The following FYB1 variants were observed in gnomAD, a reference collection of about 807,000 sequenced individuals.
The protein encoded by FYB1 is FYN-binding protein 1.
A neutral mutation model predicts 94.1 loss-of-function variants in FYB1; 41 were observed. That is an observed-to-expected ratio of 0.44 (90% confidence interval 0.34 to 0.57). The LOEUF is 0.57. Ranked by LOEUF, FYB1 falls within the 20% of genes least tolerant of loss-of-function variation. FYB1 has a pLI of 0.02. For synonymous variants in FYB1, 367 were observed against 353.2 expected, an observed-to-expected ratio of 1.04 and a Z score of -0.44; for missense variants, 1,050 against 976.8, an observed-to-expected ratio of 1.07 and a Z score of -1.00.
At chr5:39,155,493 C>T (rs553095504) in intron 2 of FYB1, among the ~76,000 whole-genome samples, 37 of 152,200 alleles carry the variant, frequency 2.4e-4, no homozygotes, top group African/African-American at 7.9e-4. Context: ...ATGTTGAATC[C>T]GGTTCGTTTT....
intron 2 of FYB1, among the ~76,000 whole-genome samples, chr5:39,178,361 A>G (rs1448175536): frequency 6.6e-6 from 1 of 152,202 alleles, no homozygotes; most frequent in African/African-American, 2.4e-5. Context: ...AGTAGCGTTT[A>G]TTGAGTGTGT....
At chr5:39,243,747 A>G (rs1751330646) in intron 1 of FYB1, among the ~76,000 whole-genome samples, 1 of 152,104 alleles carries the variant, frequency 6.6e-6, no homozygotes, top group East Asian at 1.9e-4. Flanking sequence ...GGCCATTTTC[A>G]CGATATTGAT....
rs377022 is a variant in FYB1, at chr5:39,108,207, A to G, written c.2467+24T>C. 1,160,158 of 1,498,552 alleles carry G rather than the reference A, an allele frequency of 0.77. 451,429 individuals are homozygous for G. The highest frequency in any genetic ancestry group is 0.84 in the South Asian group (68,565 of 82,072). The allele number at this position is 1,498,552 out of a possible 1,614,324, so 92.8% of individuals were successfully genotyped here. ...AGTAAATTCACTATGACTGTTCTCT[A>G]GGGTGGTACTACATAAGACTTACCA... On this transcript the variant is annotated intron_variant, in intron 18 of 18. Transcript: ENST00000512982.
At chr5:39,110,159 T>C (rs1310701621) in intron 17 of FYB1, among the ~76,000 whole-genome samples, 197 bp downstream of exon 17, 1 of 152,160 alleles carries the variant, frequency 6.6e-6, no homozygotes, top group Non-Finnish European at 1.5e-5. Context: ...TCCTCGCCTA[T>C]TTAAAAGAGT....
At chr5:39,149,697 T>G (rs1433811800) in intron 3 of FYB1, among the ~76,000 whole-genome samples, 2 of 152,120 alleles carry the variant, frequency 1.3e-5, no homozygotes, top group Non-Finnish European at 2.9e-5. Context: ...TCCACAGTCC[T>G]CACTTTTTGG....
intron 3 of FYB1, among the ~76,000 whole-genome samples, chr5:39,145,638 A>G (rs1427357098): frequency 2.0e-5 from 3 of 152,326 alleles, no homozygotes; most frequent in Middle Eastern, 3.4e-3. Context: ...GAAAATACCT[A>G]AGACATTAAA....
intron 2 of FYB1, among the ~76,000 whole-genome samples, chr5:39,192,080 T>C (rs541749013): frequency 1.1e-3 from 174 of 152,334 alleles, no homozygotes; most frequent in African/African-American, 3.9e-3. Context: ...TTATTTGACT[T>C]GGCTTGGAAA....
intron 2 of FYB1, among the ~76,000 whole-genome samples, chr5:39,199,081 CAT>C (rs1464487449): frequency 3.3e-5 from 5 of 151,474 alleles, no homozygotes; most frequent in Admixed American, 1.3e-4. Flanking sequence ...CAATATACCA[CAT>C]GTTTATGTAT....
chr5:39,257,865 G>A (rs1752026016), intron 1 of FYB1, among the ~76,000 whole-genome samples: 1 of 151,876 alleles, frequency 6.6e-6, no homozygotes. Context: ...TCTGGGCTTG[G>A]CACTCAAACA....
intron 1 of FYB1, among the ~76,000 whole-genome samples, chr5:39,245,916 A>G (rs1366722037): frequency 1.3e-5 from 2 of 152,110 alleles, no homozygotes; most frequent in Non-Finnish European, 1.5e-5. Context: ...AGGCTTTTGT[A>G]CAGCTTGGTG....
chr5:39,235,337 A>C (rs1750913953), intron 1 of FYB1, among the ~76,000 whole-genome samples: 1 of 151,958 alleles, frequency 6.6e-6, no homozygotes, highest in African/African-American at 2.4e-5. Context: ...GAAATGAACA[A>C]AGGTGACATT....
At chr5:39,198,643 T>C (rs1748036273) in intron 2 of FYB1, among the ~76,000 whole-genome samples, 1 of 152,170 alleles carries the variant, frequency 6.6e-6, no homozygotes, top group East Asian at 1.9e-4. Flanking sequence ...GTCAACACTT[T>C]ATTATAAAAT....
At chr5:39,268,393 G>T (rs948986926) in intron 1 of FYB1, among the ~76,000 whole-genome samples, 6 of 151,726 alleles carry the variant, frequency 4.0e-5, no homozygotes, top group Non-Finnish European at 7.4e-5. Flanking sequence ...AGGCCTGGCT[G>T]ATTTATTTTT....
At chr5:39,131,865 T>A (rs1245642215) in intron 9 of FYB1, among the ~76,000 whole-genome samples, 1 of 152,196 alleles carries the variant, frequency 6.6e-6, no homozygotes, top group Non-Finnish European at 1.5e-5. Context: ...TTTTATTTCA[T>A]GTCTAGAGCA....
At chr5:39,107,797 A>G (rs1403289137) in intron 18 of FYB1, among the ~76,000 whole-genome samples, 1 of 152,034 alleles carries the variant, frequency 6.6e-6, no homozygotes, top group East Asian at 1.9e-4. Flanking sequence ...TTAAAAGACT[A>G]AAGGAAATCA....
intron 2 of FYB1, among the ~76,000 whole-genome samples, chr5:39,192,096 T>C (rs1218912058): frequency 6.6e-6 from 1 of 152,230 alleles, no homozygotes; most frequent in African/African-American, 2.4e-5. Context: ...GGAAATTGTT[T>C]TAGCAGATTG....
intron 2 of FYB1, among the ~76,000 whole-genome samples, chr5:39,163,815 T>A (rs1744478182): frequency 6.7e-6 from 1 of 149,950 alleles, no homozygotes; most frequent in South Asian, 2.1e-4. Context: ...TTCCCTCCTC[T>A]AAGATACAAC....
intron 1 of FYB1, among the ~76,000 whole-genome samples, chr5:39,267,004 A>T (rs1007249154): frequency 4.0e-4 from 61 of 152,154 alleles, no homozygotes; most frequent in African/African-American, 1.4e-3. Flanking sequence ...GAGAACAGAT[A>T]AAATCGTCCT....
chr5:39,180,987 A>G (rs969235781), intron 2 of FYB1, among the ~76,000 whole-genome samples: 2 of 152,180 alleles, frequency 1.3e-5, no homozygotes, highest in African/African-American at 4.8e-5. Flanking sequence ...CCAGTCACTC[A>G]CTCATTCGTT....
Sources: gnomAD v4.1 joint callset for allele counts (sites outside exome capture counted in the v4.1 genomes callset) on GRCh38, gnomAD v4.1.1 for gene constraint, MANE v1.5 for transcripts, NCBI Gene and HGNC (gene_info 2026-07-23, HGNC 2026-07-21) for gene names.